The following IFT80 variants were observed in gnomAD, a reference collection of about 807,000 sequenced individuals.
The protein encoded by IFT80 is intraflagellar transport protein 80 homolog.
IFT80 carries 79 observed loss-of-function variants against 107.9 expected under a neutral mutation model. That is an observed-to-expected ratio of 0.73 (90% CI 0.61 to 0.88). The LOEUF (loss-of-function observed/expected upper bound fraction) is 0.88. Among genes scored for constraint, IFT80 ranks in the 40% least tolerant of loss-of-function variants. The pLI is 0.00. For synonymous variants in IFT80, 299 were observed against 300.9 expected, an observed-to-expected ratio of 0.99 and a Z score of 0.07; for missense variants, 797 against 914.2, an observed-to-expected ratio of 0.87 and a Z score of 1.65.
At chr3:160,333,691 T>C (rs1719250222) in intron 8 of IFT80, among the ~76,000 whole-genome samples, 1 of 152,184 alleles carries the variant, frequency 6.6e-6, no homozygotes, top group Non-Finnish European at 1.5e-5. Flanking sequence ...ACAGCATGCA[T>C]GAAGCTGTCA....
At chr3:160,334,440 T>TA (rs907405664) in intron 8 of IFT80, among the ~76,000 whole-genome samples, 7 of 151,876 alleles carry the variant, frequency 4.6e-5, no homozygotes, top group Non-Finnish European at 1.0e-4. Context: ...TTTTTTTTTT[T>TA]TTGAGACACA....
chr3:160,357,450 G>GATT, intron 7 of IFT80, 39 bp downstream of exon 7: 1 of 1,087,098 alleles, frequency 9.2e-7, no homozygotes, highest in Non-Finnish European at 1.4e-6. Context: ...TTATAAATTT[G>GATT]ATTATTTCAG....
intron 8 of IFT80, chr3:160,343,725 C>A: frequency 3.6e-6 from 1 of 279,964 alleles, no homozygotes; most frequent in Admixed American, 5.0e-5. Context: ...AATGCCATCT[C>A]CTTCGCCCAG....
At chr3:160,311,942 G>A (rs536553741) in intron 9 of IFT80, among the ~76,000 whole-genome samples, 4 of 152,030 alleles carry the variant, frequency 2.6e-5, no homozygotes, top group Non-Finnish European at 5.9e-5. Context: ...CACCACACCC[G>A]GCTAATTTTT....
chr3:160,274,559 T>C (rs1437769629), intron 18 of IFT80: 2 of 152,228 alleles, frequency 1.3e-5, no homozygotes, highest in African/African-American at 4.8e-5. Flanking sequence ...ATGTTTCCGC[T>C]CTTCAGGAAG....
At chr3:160,337,399 G>A (rs926561268) in intron 8 of IFT80, among the ~76,000 whole-genome samples, 2 of 152,072 alleles carry the variant, frequency 1.3e-5, no homozygotes, top group Non-Finnish European at 2.9e-5. Context: ...GCTGAGGCAG[G>A]TGGATCATGA....
At chr3:160,290,046 G>A (rs1187336669) in intron 12 of IFT80, among the ~76,000 whole-genome samples, 2 of 152,146 alleles carry the variant, frequency 1.3e-5, no homozygotes, top group Non-Finnish European at 2.9e-5. Flanking sequence ...TGAACAGGCT[G>A]TGTCTCCTTT....
intron 12 of IFT80, among the ~76,000 whole-genome samples, chr3:160,295,921 C>T (rs1263203758): frequency 6.6e-6 from 1 of 152,078 alleles, no homozygotes; most frequent in African/African-American, 2.4e-5. Context: ...TGCATGATTC[C>T]ACCTATATGA....
At chr3:160,372,889 T>C (rs893492463) in intron 5 of IFT80, among the ~76,000 whole-genome samples, 1 of 152,146 alleles carries the variant, frequency 6.6e-6, no homozygotes, top group Non-Finnish European at 1.5e-5. Context: ...TGTTTACCCA[T>C]CTATGGGAGG....
intron 19 of IFT80, among the ~76,000 whole-genome samples, chr3:160,259,321 G>A (rs1387092646): frequency 6.6e-6 from 1 of 152,160 alleles, no homozygotes; most frequent in Non-Finnish European, 1.5e-5. Flanking sequence ...GGGATGAGAT[G>A]GACCGCTGTC....
Position 160,268,553 on chromosome 3 carries a change from A to C in IFT80, c.2100-17T>G, listed in dbSNP as rs1484117040. 1.9e-6 allele frequency: 3 copies of C among 1,611,346 alleles called. No homozygotes were observed. In the African/African-American group the frequency reaches 4.0e-5, roughly 22 times the overall value. On this transcript the variant is annotated splice_polypyrimidine_tract_variant and intron_variant, in intron 18 of 19. Transcript: ENST00000326448. ...TCCAGTGCCCTATAATGAGAAATAA[A>C]ACAGATTATTAACATTGTTTGTGTC...
chr3:160,339,770 C>G (rs1409726345), intron 8 of IFT80, among the ~76,000 whole-genome samples: 1 of 152,090 alleles, frequency 6.6e-6, no homozygotes, highest in East Asian at 1.9e-4. Context: ...AATATGATAG[C>G]CAACTAAAAC....
intron 6 of IFT80, among the ~76,000 whole-genome samples, chr3:160,363,906 T>C (rs1368617627): frequency 1.3e-5 from 2 of 152,164 alleles, no homozygotes; most frequent in East Asian, 1.9e-4. Context: ...ATAAAAATCC[T>C]AGAAGAAAAT....
rs1053958919 is a variant in IFT80 at position 160,257,761 on chromosome 3, T to C, written c.*764A>G. On this transcript the variant is annotated 3_prime_UTR_variant, in exon 20 of 20. Coordinates refer to ENST00000326448, the MANE Select transcript of IFT80 (RefSeq NM_020800.3). ...CGTTAAACAATAACCCCACCCCCCA[T>C]TTCCTCCTCCCTGCAGTCCCTGGCA... The C allele has an allele frequency of 6.6e-5, 10 of 152,066 alleles. No individual in the cohort carries two copies. The highest frequency in any genetic ancestry group is 1.2e-4 in the Non-Finnish European group (8 of 68,030). The allele number at this position is 152,066 out of a possible 1,614,324, so 9.4% of individuals were successfully genotyped here.
chr3:160,329,730 C>A (rs1718946737), intron 8 of IFT80, among the ~76,000 whole-genome samples: 1 of 152,122 alleles, frequency 6.6e-6, no homozygotes, highest in Non-Finnish European at 1.5e-5. Flanking sequence ...AAAACCTAAG[C>A]ATAAAAATAC....
chr3:160,268,329 C>G, intron 19 of IFT80, 84 bp downstream of exon 19: 2 of 1,220,082 alleles, frequency 1.6e-6, no homozygotes, highest in Non-Finnish European at 2.4e-6. Context: ...AAATTTGAAT[C>G]ATTCACATTT....
At position 160,346,907 on chromosome 3, in the gene IFT80, G is replaced by GTA. The variant is rs555968449; in HGVS notation, c.777+9105_777+9106insTA. ...CCTCACATCCTCTGGTCTTTTCTGA[G>GTA]TGTGTCTGGCCCTGGGCATGTATGT... is the stretch of plus-strand genomic sequence containing the variant. On this transcript the variant is annotated intron_variant, in intron 8 of 19. Coordinates refer to ENST00000326448, the MANE Select transcript of IFT80 (RefSeq NM_020800.3). Among the ~76,000 whole-genome samples the GTA allele has an allele frequency of 1.1e-4, 17 of 152,126 alleles. No homozygotes were observed. In the South Asian group the frequency reaches 3.3e-3, roughly 30 times the overall value.
intron 18 of IFT80, among the ~76,000 whole-genome samples, chr3:160,270,597 C>G (rs1242992936): frequency 6.6e-6 from 1 of 151,708 alleles, no homozygotes; most frequent in African/African-American, 2.4e-5. Context: ...GAAAAAAAAA[C>G]AGGCAGAAAA....
intron 8 of IFT80, among the ~76,000 whole-genome samples, chr3:160,348,853 T>C (rs1295343628): frequency 6.6e-6 from 1 of 152,170 alleles, no homozygotes; most frequent in Non-Finnish European, 1.5e-5. Flanking sequence ...ATTTCATTTA[T>C]ATGAAATGTC....
Sources: allele counts gnomAD v4.1 joint callset (sites outside exome capture counted in the v4.1 genomes callset), GRCh38; gene constraint gnomAD v4.1.1; transcripts MANE v1.5; gene names NCBI Gene and HGNC (gene_info 2026-07-23, HGNC 2026-07-21).